Variants in GAD1 observed in about 807,000 individuals in gnomAD.
GAD1 encodes glutamate decarboxylase 1.
A neutral mutation model predicts 75.2 loss-of-function variants in GAD1; 35 were observed. The ratio of observed to expected loss-of-function variants is 0.47; its 90% confidence interval spans 0.36 to 0.62. The LOEUF (loss-of-function observed/expected upper bound fraction) is 0.62. GAD1 is among the 20% of genes least tolerant of loss of function. GAD1 has a pLI of 0.00. For missense variants in GAD1, 490 were observed against 758.5 expected, an observed-to-expected ratio of 0.65 and a Z score of 4.16; for synonymous variants, 257 against 271.9, an observed-to-expected ratio of 0.95 and a Z score of 0.54.
intron 1 of GAD1, chr2:170,817,407 A>G (rs945200763): frequency 3.9e-5 from 6 of 152,298 alleles, no homozygotes; most frequent in African/African-American, 1.4e-4. Context: ...CGAAGGCGCT[A>G]CTAGGAACGG....
intron 3 of GAD1, among the ~76,000 whole-genome samples, chr2:170,826,602 G>A (rs1185949250): frequency 3.3e-5 from 5 of 149,506 alleles, no homozygotes; most frequent in East Asian, 2.0e-4. Flanking sequence ...CATAACGATC[G>A]TTTCTCAGCC....
At chr2:170,843,410 G>A (rs1213141385) in intron 6 of GAD1, among the ~76,000 whole-genome samples, 1 of 152,178 alleles carries the variant, frequency 6.6e-6, no homozygotes, top group Non-Finnish European at 1.5e-5. Flanking sequence ...ATTCTTGACA[G>A]ATATTGACTT....
At chr2:170,824,200 T>C (rs1701968272) in intron 3 of GAD1, among the ~76,000 whole-genome samples, 1 of 152,200 alleles carries the variant, frequency 6.6e-6, no homozygotes, top group Non-Finnish European at 1.5e-5. Flanking sequence ...TGGGCTAAAA[T>C]GCCCCGCTTT....
chr2:170,830,889 T>C (rs1414996861), intron 4 of GAD1, 61 bp from the exon 5 acceptor site: 1 of 1,610,650 alleles, frequency 6.2e-7, no homozygotes, highest in African/African-American at 1.3e-5. Flanking sequence ...TAGGGGTCTC[T>C]GGGCTGAAGA....
chr2:170,814,215 G>A (rs1245833464), upstream of GAD1, among the ~76,000 whole-genome samples: 1 of 152,172 alleles, frequency 6.6e-6, no homozygotes, highest in Non-Finnish European at 1.5e-5. Context: ...AAGAGCAGTG[G>A]GCGAAATACC....
intron 2 of GAD1, among the ~76,000 whole-genome samples, chr2:170,820,150 C>G (rs1378623056): frequency 6.6e-6 from 1 of 152,094 alleles, no homozygotes; most frequent in Admixed American, 6.5e-5. Flanking sequence ...CCACATTTCC[C>G]GCTCCCTTTT....
chr2:170,830,269 A>T (rs1702188133), intron 4 of GAD1, among the ~76,000 whole-genome samples: 1 of 152,032 alleles, frequency 6.6e-6, no homozygotes, highest in African/African-American at 2.4e-5. Flanking sequence ...TATCGTGCAC[A>T]ACTGCACAGC....
At position 170,818,812 on chromosome 2, in the gene GAD1, C is replaced by T. The variant is rs1234815111; in HGVS notation, c.82+139C>T. 7 of 822,996 alleles carry T rather than the reference C, an allele frequency of 8.5e-6. No individual in the cohort carries two copies. Among genetic ancestry groups the T allele is most frequent in the South Asian group, 4.4e-5 (3 of 68,444 alleles). 51.0% of individuals were successfully genotyped at this position (822,996 alleles called of 1,614,324 possible). ...TGGGAAATAAATGGGGCTCTGACCC[C>T]GTCCCTGCCAGAGGTCATTCGGCTG... On this transcript the variant is annotated intron_variant, in intron 2 of 16. Coordinates refer to ENST00000358196, the MANE Select transcript of GAD1 (RefSeq NM_000817.3). The surrounding 1 kb of genome is among the most constrained non-coding windows in gnomAD (Gnocchi z 5.9).
rs1702867327 is a variant in GAD1 at position 170,857,044 on chromosome 2, C to T, written c.1440C>T (p.Ile480=). ...AKGTVGFENQ[I]NKCLELAEYL... ...GCACAGTGGGATTTGAAAACCAGAT[C>T]AACAAATGCCTGGAACTGGCTGAAT... The change falls in exon 15 of 17, where the codon ATC becomes ATT. Residue 480 remains isoleucine (I), a synonymous_variant. Transcript: ENST00000358196. 1.9e-6 allele frequency: 3 copies of T among 1,613,872 alleles called. No homozygotes were observed. The highest frequency in any genetic ancestry group is 2.5e-6 in the Non-Finnish European group (3 of 1,179,918).
intron 6 of GAD1, among the ~76,000 whole-genome samples, chr2:170,837,466 A>C (rs552019900): frequency 6.6e-6 from 1 of 152,358 alleles, no homozygotes; most frequent in South Asian, 2.1e-4. Context: ...AATTTACACA[A>C]AACTGACTCT....
chr2:170,842,337 T>G (rs1702535018), intron 6 of GAD1, among the ~76,000 whole-genome samples: 2 of 152,224 alleles, frequency 1.3e-5, no homozygotes, highest in African/African-American at 4.8e-5. Flanking sequence ...GTTCCTTGCC[T>G]TACCCCAGAG....
intron 3 of GAD1, among the ~76,000 whole-genome samples, chr2:170,824,111 G>C (rs1701966278): frequency 6.6e-6 from 1 of 152,160 alleles, no homozygotes; most frequent in Non-Finnish European, 1.5e-5. Context: ...AGAGCTCCTG[G>C]GGGCTACAGT....
At chr2:170,859,446 T>C (rs1362001332) in intron 16 of GAD1, among the ~76,000 whole-genome samples, 1 of 151,918 alleles carries the variant, frequency 6.6e-6, no homozygotes, top group Admixed American at 6.6e-5. Flanking sequence ...TCTATAAGAG[T>C]TTTTTGGTTT....
intron 6 of GAD1, chr2:170,843,734 A>C (rs560359731): frequency 3.2e-6 from 1 of 308,074 alleles, no homozygotes; most frequent in East Asian, 7.4e-5. Context: ...GGGACTCAGA[A>C]AAGTCATTTT....
At chr2:170,821,707 C>T (rs1385173907) in intron 2 of GAD1, 3 of 248,538 alleles carry the variant, frequency 1.2e-5, no homozygotes, top group African/African-American at 2.3e-5. Flanking sequence ...TTTGAGTCTG[C>T]GGGGCCCGGC....
At chr2:170,835,178 A>G (rs1361183858) in intron 5 of GAD1, among the ~76,000 whole-genome samples, 1 of 152,212 alleles carries the variant, frequency 6.6e-6, no homozygotes, top group Non-Finnish European at 1.5e-5. Context: ...CAGTTTTCAA[A>G]TTTCCAATTG....
chr2:170,816,516 GGA>G (rs1037684174), upstream of GAD1: 1 of 152,192 alleles, frequency 6.6e-6, no homozygotes, highest in African/African-American at 2.4e-5. Context: ...AGGGGAAATG[GGA>G]GAGGGGAAAG....
chr2:170,858,322 G>GT (rs1353794986), intron 15 of GAD1, among the ~76,000 whole-genome samples: 19 of 151,796 alleles, frequency 1.3e-4, no homozygotes, highest in Non-Finnish European at 5.9e-5. Context: ...CAGTCTTTTG[G>GT]TTTTTTTTAG....
In GAD1 at chr2:170,816,979, A is replaced by G. The variant is rs533617877; in HGVS notation, c.-133A>G. 38 of 195,112 alleles carry G rather than the reference A, an allele frequency of 1.9e-4. 1 individual carries two copies. In the Middle Eastern group the frequency reaches 6.2e-3, roughly 32 times the overall value. 12.1% of individuals were successfully genotyped at this position (195,112 alleles called of 1,614,324 possible). On this transcript the variant is annotated 5_prime_UTR_variant, in exon 1 of 17. Transcript: ENST00000358196. ...GGGCAGATTACGCCTGTCAGGGCCG[A>G]GCCGAGCGGATCGCTGGGCGCTGTG...
Sources: allele counts gnomAD v4.1 joint callset (sites outside exome capture counted in the v4.1 genomes callset), GRCh38; gene constraint gnomAD v4.1.1; non-coding constraint Gnocchi (gnomAD v3.1); transcripts MANE v1.5; gene names NCBI Gene and HGNC (gene_info 2026-07-23, HGNC 2026-07-21).